The following SOX6 variants were observed in gnomAD, a reference collection of about 807,000 sequenced individuals.
SOX6 encodes SRY-box transcription factor 6, also known as transcription factor SOX-6.
Under a neutral mutation model 97.8 loss-of-function variants are expected in SOX6, and 11 were observed. The ratio of observed to expected loss-of-function variants is 0.11; its 90% confidence interval spans 0.07 to 0.19. SOX6 has a LOEUF of 0.19. Among genes scored for constraint, SOX6 ranks in the 10% least tolerant of loss-of-function variants. The pLI is 1.00. For missense variants in SOX6, 810 were observed against 1,039.5 expected, an observed-to-expected ratio of 0.78 and a Z score of 3.04; for synonymous variants, 360 against 371.4, an observed-to-expected ratio of 0.97 and a Z score of 0.35.
chr11:16,732,988 C>T (rs1453164856), intron 2 of SOX6, among the ~76,000 whole-genome samples: 3 of 152,230 alleles, frequency 2.0e-5, no homozygotes, highest in Non-Finnish European at 4.4e-5. Flanking sequence ...AGAAAAAGCT[C>T]ACCATCACTA....
chr11:16,146,070 C>A (rs965720838), intron 6 of SOX6, among the ~76,000 whole-genome samples: 5 of 152,238 alleles, frequency 3.3e-5, no homozygotes, highest in African/African-American at 9.6e-5. Flanking sequence ...AAGAACAAAG[C>A]TGGAGGCATC....
At chr11:16,458,293 T>C (rs1324224577) in intron 1 of SOX6, among the ~76,000 whole-genome samples, 1 of 152,064 alleles carries the variant, frequency 6.6e-6, no homozygotes, top group Non-Finnish European at 1.5e-5. Flanking sequence ...CAGATATTTC[T>C]CTAAGAGCTT....
chr11:16,335,693 G>A (rs1219222355), intron 2 of SOX6, among the ~76,000 whole-genome samples: 1 of 152,076 alleles, frequency 6.6e-6, no homozygotes, highest in Non-Finnish European at 1.5e-5. Context: ...AAAAATTCCT[G>A]GATTGTTATC....
At chr11:16,235,952 C>T (rs1853007286) in intron 3 of SOX6, among the ~76,000 whole-genome samples, 1 of 152,064 alleles carries the variant, frequency 6.6e-6, no homozygotes, top group African/African-American at 2.4e-5. Flanking sequence ...GAATCCAGAT[C>T]AGTGTGTTGT....
intron 1 of SOX6, among the ~76,000 whole-genome samples, chr11:16,407,834 T>A (rs1049090770): frequency 6.6e-6 from 1 of 152,034 alleles, no homozygotes; most frequent in Non-Finnish European, 1.5e-5. Flanking sequence ...AAAAGGAAAC[T>A]AAATGACATG....
chr11:16,439,035 A>G (rs1290588311), intron 1 of SOX6, among the ~76,000 whole-genome samples: 14 of 152,236 alleles, frequency 9.2e-5, no homozygotes, highest in Admixed American at 6.5e-4. Flanking sequence ...AAGATAAGAC[A>G]GAGAGTTTTC....
chr11:16,560,892 G>A (rs1157900837), intron 4 of SOX6, among the ~76,000 whole-genome samples: 1 of 152,100 alleles, frequency 6.6e-6, no homozygotes, highest in East Asian at 1.9e-4. Context: ...AATATCATAT[G>A]TTCTCACTTT....
chr11:16,396,586 G>T (rs1210021145), intron 1 of SOX6, among the ~76,000 whole-genome samples: 1 of 151,582 alleles, frequency 6.6e-6, no homozygotes, highest in African/African-American at 2.4e-5. Flanking sequence ...GAATTGCAAT[G>T]TAAGGCAAGT....
intron 6 of SOX6, among the ~76,000 whole-genome samples, chr11:16,128,532 C>T (rs1435694538): frequency 6.6e-6 from 1 of 152,082 alleles, no homozygotes; most frequent in East Asian, 1.9e-4. Flanking sequence ...AACTTAAGAA[C>T]GACCAAACTA....
intron 4 of SOX6, chr11:16,483,949 G>A: frequency 1.2e-6 from 1 of 860,376 alleles, no homozygotes; most frequent in Non-Finnish European, 2.0e-6. Context: ...CAGGACCTGG[G>A]CTGTAGTTTT....
At chr11:16,132,401 A>AAAAGAAAGAAAG (rs1321127213) in intron 6 of SOX6, among the ~76,000 whole-genome samples, 1 of 43,836 alleles carries the variant, frequency 2.3e-5, no homozygotes, top group Non-Finnish European at 4.1e-5. Context: ...AAAGAAAGAA[A>AAAAGAAAGAAAG]AAAGAAAGAA....
chr11:16,524,928 C>T (rs370193756), intron 4 of SOX6, among the ~76,000 whole-genome samples: 68 of 152,020 alleles, frequency 4.5e-4, no homozygotes, highest in East Asian at 1.4e-3. Context: ...TTACAAGGGA[C>T]GTGAAGGACC....
chr11:16,533,683 GGAGA>G (rs143999623), intron 4 of SOX6, among the ~76,000 whole-genome samples: 1 of 151,848 alleles, frequency 6.6e-6, no homozygotes, highest in South Asian at 2.1e-4. Flanking sequence ...CGTTTGAACA[GGAGA>G]GAGAGAGATA....
chr11:15,998,691 T>A (rs1200801794), intron 13 of SOX6, among the ~76,000 whole-genome samples: 1 of 152,050 alleles, frequency 6.6e-6, no homozygotes, highest in Non-Finnish European at 1.5e-5. Flanking sequence ...AAACGATAGT[T>A]TTTTCAACAA....
At chr11:16,086,522 A>G (rs897407828) in intron 9 of SOX6, among the ~76,000 whole-genome samples, 1 of 152,184 alleles carries the variant, frequency 6.6e-6, no homozygotes. Context: ...CAGGCGCTCC[A>G]TCCCAGTATG....
intron 3 of SOX6, among the ~76,000 whole-genome samples, chr11:16,270,946 A>G (rs989070414): frequency 1.1e-4 from 16 of 151,388 alleles, no homozygotes; most frequent in African/African-American, 3.9e-4. Context: ...AATAGTGGTG[A>G]TAGTTATAAA....
At chr11:15,988,388 C>T (rs893714704) in intron 14 of SOX6, among the ~76,000 whole-genome samples, 2 of 152,202 alleles carry the variant, frequency 1.3e-5, no homozygotes, top group South Asian at 2.1e-4. Context: ...TCCCCTGCAG[C>T]TCGTGTGTTC....
At chr11:16,184,344 C>T (rs1050442365) in intron 5 of SOX6, among the ~76,000 whole-genome samples, 1 of 152,086 alleles carries the variant, frequency 6.6e-6, no homozygotes. Flanking sequence ...GAAAAATCTT[C>T]GTATTATTGC....
At chr11:16,506,259 C>A (rs1392960415) in intron 4 of SOX6, among the ~76,000 whole-genome samples, 1 of 152,140 alleles carries the variant, frequency 6.6e-6, no homozygotes, top group Non-Finnish European at 1.5e-5. Flanking sequence ...ATCACTGTGG[C>A]CTGAATGAGA....
Sources: gnomAD v4.1 joint callset for allele counts (sites outside exome capture counted in the v4.1 genomes callset) on GRCh38, gnomAD v4.1.1 for gene constraint, MANE v1.5 for transcripts, NCBI Gene and HGNC (gene_info 2026-07-23, HGNC 2026-07-21) for gene names.